Variants in STON1 observed in about 807,000 individuals in gnomAD.
The protein encoded by STON1 is stonin-1.
STON1 carries 79 observed loss-of-function variants against 60.9 expected under a neutral mutation model. The observed-to-expected ratio is 1.30, with a 90% confidence interval of 1.08 to 1.56. The LOEUF is 1.56. Ranked by LOEUF, STON1 falls within the 40% of genes most tolerant of loss-of-function variation. The pLI, the probability that STON1 is intolerant of heterozygous loss-of-function variation, is 0.00. For missense variants in STON1, 1,166 were observed against 858.9 expected, an observed-to-expected ratio of 1.36 and a Z score of -4.47; for synonymous variants, 363 against 306.9, an observed-to-expected ratio of 1.18 and a Z score of -1.91.
At chr2:48,535,189 T>C (rs1335098713) in intron 1 of STON1, among the ~76,000 whole-genome samples, 1 of 151,528 alleles carries the variant, frequency 6.6e-6, no homozygotes, top group Admixed American at 6.6e-5. Context: ...GTGTGTTACA[T>C]GGAATGCCAG....
At chr2:48,533,397 A>G (rs1373975276) in intron 1 of STON1, among the ~76,000 whole-genome samples, 2 of 152,032 alleles carry the variant, frequency 1.3e-5, no homozygotes, top group East Asian at 3.9e-4. Flanking sequence ...AAAAGAAAAA[A>G]AAAGATGTAG....
intron 1 of STON1, among the ~76,000 whole-genome samples, chr2:48,561,685 A>G (rs1470006887): frequency 1.3e-5 from 2 of 152,166 alleles, no homozygotes; most frequent in African/African-American, 4.8e-5. Context: ...AGTTGTGACA[A>G]TGAAAAATGT....
intron 1 of STON1, among the ~76,000 whole-genome samples, chr2:48,576,742 A>G (rs942507226): frequency 3.0e-4 from 45 of 152,056 alleles, no homozygotes; most frequent in East Asian, 5.8e-4. Flanking sequence ...TATGTTTTGG[A>G]TATTAATTCC....
chr2:48,570,349 A>T (rs953591011), intron 1 of STON1, among the ~76,000 whole-genome samples: 1 of 152,126 alleles, frequency 6.6e-6, no homozygotes, highest in Non-Finnish European at 1.5e-5. Context: ...AAAAAAAAAA[A>T]GAATTCCAAT....
At chr2:48,573,893 A>G (rs1015844109) in intron 1 of STON1, among the ~76,000 whole-genome samples, 8 of 152,230 alleles carry the variant, frequency 5.3e-5, no homozygotes, top group Non-Finnish European at 1.0e-4. Flanking sequence ...CCTTGGAAAC[A>G]TTATGCTAGG....
intron 1 of STON1, among the ~76,000 whole-genome samples, chr2:48,546,426 A>T (rs765118306): frequency 6.6e-6 from 1 of 152,098 alleles, no homozygotes; most frequent in Non-Finnish European, 1.5e-5. Flanking sequence ...AGCCTTCAAG[A>T]TTTAGCTCTG....
intron 1 of STON1, among the ~76,000 whole-genome samples, chr2:48,556,260 CA>C (rs1672350450): frequency 3.9e-5 from 1 of 25,822 alleles, no homozygotes; most frequent in Non-Finnish European, 8.6e-5. Flanking sequence ...GCTGGCCGGG[CA>C]GAGGGGCTCC....
At chr2:48,571,376 G>A (rs1401059199) in intron 1 of STON1, among the ~76,000 whole-genome samples, 1 of 152,194 alleles carries the variant, frequency 6.6e-6, no homozygotes, top group Non-Finnish European at 1.5e-5. Context: ...AACTGGATTT[G>A]AGACTTTGGG....
At chr2:48,551,835 C>G (rs899223290) in intron 1 of STON1, among the ~76,000 whole-genome samples, 1 of 152,224 alleles carries the variant, frequency 6.6e-6, no homozygotes. Flanking sequence ...TCCTATCATC[C>G]CCTGTGCTGG....
chr2:48,578,811 T>G (rs1249781450), intron 1 of STON1, among the ~76,000 whole-genome samples: 5 of 151,246 alleles, frequency 3.3e-5, no homozygotes, highest in Admixed American at 6.6e-5. Context: ...GGCTGGTCTC[T>G]AACTCCTGAC....
intron 1 of STON1, among the ~76,000 whole-genome samples, chr2:48,575,976 T>C (rs1047801617): frequency 2.0e-5 from 3 of 151,604 alleles, no homozygotes; most frequent in Non-Finnish European, 4.4e-5. Context: ...TAGGCTGGTC[T>C]TGAACTCCTG....
chr2:48,542,180 C>A (rs1189752623), intron 1 of STON1, among the ~76,000 whole-genome samples: 1 of 152,222 alleles, frequency 6.6e-6, no homozygotes, highest in Non-Finnish European at 1.5e-5. Context: ...GATTCCATCT[C>A]TGGGAATGTT....
intron 3 of STON1, among the ~76,000 whole-genome samples, chr2:48,593,899 A>G (rs533382351): frequency 1.3e-5 from 2 of 152,252 alleles, no homozygotes; most frequent in South Asian, 4.1e-4. Flanking sequence ...GACCTGAAGG[A>G]TGTATTTCCC....
chr2:48,577,780 T>C (rs1227485094), intron 1 of STON1, among the ~76,000 whole-genome samples: 1 of 151,400 alleles, frequency 6.6e-6, no homozygotes, highest in African/African-American at 2.4e-5. Context: ...CACTCCCGGC[T>C]ATTTTTTATA....
intron 1 of STON1, among the ~76,000 whole-genome samples, chr2:48,579,274 G>A (rs996242375): frequency 6.6e-6 from 1 of 151,364 alleles, no homozygotes; most frequent in African/African-American, 2.4e-5. Context: ...CAAAGTGCTG[G>A]GATTATAGAT....
chr2:48,579,607 A>G (rs1464909788), intron 1 of STON1, among the ~76,000 whole-genome samples: 1 of 152,130 alleles, frequency 6.6e-6, no homozygotes, highest in Non-Finnish European at 1.5e-5. Flanking sequence ...ATCTTCTCAC[A>G]TTTGTTAAGA....
chr2:48,578,450 C>T (rs987023419), intron 1 of STON1, among the ~76,000 whole-genome samples: 1 of 152,012 alleles, frequency 6.6e-6, no homozygotes, highest in Non-Finnish European at 1.5e-5. Context: ...CATCAGCTAT[C>T]TGTAGTGTTA....
intron 2 of STON1, among the ~76,000 whole-genome samples, chr2:48,584,086 C>G (rs985823285): frequency 1.3e-5 from 2 of 151,966 alleles, no homozygotes; most frequent in Admixed American, 6.6e-5. Context: ...TACTGTATAC[C>G]AAGTGCCACA....
In STON1 at chr2:48,580,902, GT is replaced by G; in HGVS notation, c.273del (p.Pro92LeufsTer58). 6.3e-7 allele frequency: 1 copy of G among 1,594,672 alleles called. No homozygotes were observed. Among genetic ancestry groups the G allele is most frequent in the Non-Finnish European group, 8.5e-7 (1 of 1,172,244 alleles). Reference sequence around the variant, plus strand: ...TCTACACCTACCAAAGACTTCCCAGGTTTTCCTGGCATCCCCAAAGCAGGGA... The same window carrying G: ...TCTACACCTACCAAAGACTTCCCAGGTTTCCTGGCATCCCCAAAGCAGGGA... ...PLSTPTKDFP[G>X]FPGIPKAGTH... On this transcript the variant is annotated frameshift_variant, in exon 2 of 4. Transcript: ENST00000404752. LOFTEE classifies it high-confidence loss of function.
Sources: gnomAD v4.1 joint callset for allele counts (sites outside exome capture counted in the v4.1 genomes callset) on GRCh38, gnomAD v4.1.1 for gene constraint, MANE v1.5 for transcripts, NCBI Gene and HGNC (gene_info 2026-07-23, HGNC 2026-07-21) for gene names.